Variants in HS2ST1 observed in about 807,000 individuals in gnomAD.
HS2ST1 encodes the protein 2-O-sulfotransferase.
In HS2ST1, 18 loss-of-function variants were observed where a neutral mutation model predicts 42.9. That is an observed-to-expected ratio of 0.42 (90% CI 0.29 to 0.62). The LOEUF is 0.62. Ranked by LOEUF, HS2ST1 falls within the 20% of genes least tolerant of loss-of-function variation. The pLI, the probability that HS2ST1 is intolerant of heterozygous loss-of-function variation, is 0.21. For synonymous variants in HS2ST1, 146 were observed against 152.9 expected (o/e 0.95, Z 0.33); for missense variants, 334 against 433.8 (o/e 0.77, Z 2.04).
In HS2ST1 at chr1:87,107,644, T is replaced by C. The variant is rs1431322519; in HGVS notation, c.*2948T>C. 3 of 4,332 alleles carry C rather than the reference T, an allele frequency of 6.9e-4. No individual in the cohort carries two copies. The highest frequency in any genetic ancestry group is 2.8e-3 in the Non-Finnish European group (3 of 1,074). 0.3% of individuals were successfully genotyped at this position (4,332 alleles called of 1,614,324 possible). Reference sequence around the variant, plus strand: ...TGTGTGTATGTGAAATATATATACATATATATATATATGTTTATTTCCTAA... The same window carrying C: ...TGTGTGTATGTGAAATATATATACACATATATATATATGTTTATTTCCTAA... On this transcript the variant is annotated 3_prime_UTR_variant, in exon 7 of 7. Transcript: ENST00000370550.
At chr1:87,097,970 A>G in intron 5 of HS2ST1, 35 bp downstream of exon 5, 3 of 1,613,150 alleles carry the variant, frequency 1.9e-6, no homozygotes, top group Non-Finnish European at 2.5e-6. Context: ...ATTGATTATC[A>G]TCCTTATTAT....
intron 1 of HS2ST1, among the ~76,000 whole-genome samples, chr1:87,017,840 A>G (rs1557517128): frequency 6.6e-6 from 1 of 151,666 alleles, no homozygotes; most frequent in Admixed American, 6.6e-5. Context: ...GGCTTAGCCT[A>G]TGTTTCCGAG....
chr1:86,928,612 T>G (rs1463294996), intron 1 of HS2ST1, among the ~76,000 whole-genome samples: 2 of 152,014 alleles, frequency 1.3e-5, no homozygotes, highest in African/African-American at 2.4e-5. Context: ...ACTCAGTTGT[T>G]TCCTCTATAG....
chr1:87,018,132 C>CCACACCCACACACACACACACACACACA (rs1649814601), intron 1 of HS2ST1, among the ~76,000 whole-genome samples: 1 of 149,240 alleles, frequency 6.7e-6, no homozygotes. Flanking sequence ...TAAATAAAAG[C>CCACACCCACACACACACACACACACACA]CACACACACA....
chr1:87,080,881 A>C (rs573650971), intron 2 of HS2ST1, among the ~76,000 whole-genome samples: 1 of 152,296 alleles, frequency 6.6e-6, no homozygotes, highest in Admixed American at 6.5e-5. Context: ...ACGTTTAGAC[A>C]GCTCTAGCCA....
chr1:87,071,970 C>T (rs955892425), intron 1 of HS2ST1, among the ~76,000 whole-genome samples: 6 of 151,850 alleles, frequency 4.0e-5, no homozygotes, highest in Non-Finnish European at 7.4e-5. Context: ...CTTTCCTCTC[C>T]TTTTCTTGCA....
intron 1 of HS2ST1, among the ~76,000 whole-genome samples, chr1:87,008,659 G>A (rs1057246592): frequency 2.0e-5 from 3 of 152,156 alleles, no homozygotes; most frequent in Admixed American, 2.0e-4. Context: ...AGGAAACAAT[G>A]CAGGATAAAA....
intron 1 of HS2ST1, chr1:87,045,255 G>A (rs1205692246): frequency 9.2e-7 from 1 of 1,089,714 alleles, no homozygotes; most frequent in African/African-American, 1.5e-5. Flanking sequence ...TCACTATGAA[G>A]GATGTTGATC....
rs1247741413 is a variant in HS2ST1 at position 87,105,230 on chromosome 1, T to C, written c.*534T>C. Reference sequence around the variant, plus strand: ...TTGCTAAGAAATGTTTCTGCTGTAGTTGGATTTGCCCATATTTATGTAGGT... The same window carrying C: ...TTGCTAAGAAATGTTTCTGCTGTAGCTGGATTTGCCCATATTTATGTAGGT... On this transcript the variant is annotated 3_prime_UTR_variant, in exon 7 of 7. Transcript: ENST00000370550. 6.6e-6 allele frequency: 1 copy of C among 152,650 alleles called. No homozygotes were observed. The highest frequency in any genetic ancestry group is 2.4e-5 in the African/African-American group (1 of 41,452). The allele number at this position is 152,650 out of a possible 1,614,324, so 9.5% of individuals were successfully genotyped here.
At chr1:86,924,885 T>TA (rs1660383102) in intron 1 of HS2ST1, among the ~76,000 whole-genome samples, 1 of 152,232 alleles carries the variant, frequency 6.6e-6, no homozygotes, top group Admixed American at 6.5e-5. Flanking sequence ...AGCTCCTTGT[T>TA]ACTTATGCAA....
intron 1 of HS2ST1, among the ~76,000 whole-genome samples, chr1:86,992,197 T>C (rs1344479875): frequency 1.5e-5 from 1 of 64,900 alleles, no homozygotes; most frequent in East Asian, 5.0e-4. Context: ...CACCCCCAAA[T>C]TCCCCCACTC....
intron 1 of HS2ST1, among the ~76,000 whole-genome samples, chr1:87,002,786 C>T (rs1431064563): frequency 6.6e-6 from 1 of 152,056 alleles, no homozygotes; most frequent in South Asian, 2.1e-4. Context: ...CACCTACAAC[C>T]CTGAAAATCC....
chr1:87,035,393 C>T (rs1445942123), intron 1 of HS2ST1, among the ~76,000 whole-genome samples: 1 of 152,164 alleles, frequency 6.6e-6, no homozygotes, highest in Non-Finnish European at 1.5e-5. Flanking sequence ...TCAGACTTTT[C>T]ATGTACTCAG....
chr1:87,019,429 C>G (rs1002267196), intron 1 of HS2ST1, among the ~76,000 whole-genome samples: 2 of 152,182 alleles, frequency 1.3e-5, no homozygotes, highest in African/African-American at 4.8e-5. Context: ...TTTCATGTCA[C>G]TCCTTCTCTG....
At chr1:87,036,831 T>C (rs1650386242) in intron 1 of HS2ST1, among the ~76,000 whole-genome samples, 1 of 152,160 alleles carries the variant, frequency 6.6e-6, no homozygotes, top group Non-Finnish European at 1.5e-5. Context: ...AAACCTTGGT[T>C]ATGTTCAATA....
chr1:87,082,411 A>G (rs913624588), intron 2 of HS2ST1, among the ~76,000 whole-genome samples: 1 of 152,184 alleles, frequency 6.6e-6, no homozygotes, highest in Non-Finnish European at 1.5e-5. Flanking sequence ...AGTTTATATA[A>G]CACTGTTTTT....
chr1:86,998,729 A>G (rs1649182171), intron 1 of HS2ST1, among the ~76,000 whole-genome samples: 1 of 152,174 alleles, frequency 6.6e-6, no homozygotes, highest in Admixed American at 6.5e-5. Context: ...AGCATTTTCT[A>G]TTGAACTTTT....
Position 87,104,625 on chromosome 1 carries a change from G to A in HS2ST1, c.1000G>A (p.Glu334Lys). Reference protein sequence around the residue: ...FQFIRAHAVREKDGDLYILAQ... With the variant: ...FQFIRAHAVRKKDGDLYILAQ... ...ATTCATCAGAGCCCATGCCGTTCGA[G>A]AAAAAGATGGAGACCTCTACATCCT... Residue 334 changes from glutamate (E) to lysine (K), a missense_variant, in exon 7 of 7, where the codon GAA (glutamate) becomes AAA (lysine). By Grantham distance (56) the Glu-to-Lys change is moderately conservative (BLOSUM62 1). Coordinates refer to ENST00000370550, the MANE Select transcript of HS2ST1 (RefSeq NM_012262.4). 6.2e-7 allele frequency: 1 copy of A among 1,613,678 alleles called. No individual in the cohort carries two copies. Among genetic ancestry groups the A allele is most frequent in the Non-Finnish European group, 8.5e-7 (1 of 1,179,654 alleles).
intron 1 of HS2ST1, among the ~76,000 whole-genome samples, chr1:86,983,856 G>A (rs114445204): frequency 0.022 from 3,315 of 152,116 alleles, 138 homozygotes; most frequent in Admixed American, 0.11. Flanking sequence ...GCTGGCCAAG[G>A]TGGTGAAACT....
Sources: gnomAD v4.1 joint callset for allele counts (sites outside exome capture counted in the v4.1 genomes callset) on GRCh38, gnomAD v4.1.1 for gene constraint, MANE v1.5 for transcripts, NCBI Gene and HGNC (gene_info 2026-07-23, HGNC 2026-07-21) for gene names.